TRAPPC12: variants seen among roughly 807,000 people sequenced by gnomAD.
TRAPPC12 encodes TPR repeat protein 15.
TRAPPC12 carries 61 observed loss-of-function variants against 69.2 expected under a neutral mutation model. The observed-to-expected ratio is 0.88, with a 90% CI of 0.72 to 1.09. The LOEUF is 1.09. TRAPPC12 is among the 50% of genes least tolerant of loss of function. TRAPPC12 has a pLI of 0.00. For synonymous variants in TRAPPC12, 469 were observed against 438.9 expected (o/e 1.07, Z -0.86); for missense variants, 1,101 against 1,016.4 (o/e 1.08, Z -1.13).
intron 7 of TRAPPC12, 47 bp from the exon 8 acceptor site, chr2:3,460,216 G>A (rs1283035875): frequency 1.1e-6 from 1 of 871,612 alleles, no homozygotes; most frequent in Non-Finnish European, 2.0e-6. Context: ...GGGCTAGAAA[G>A]AGCCTCGAAT....
chr2:3,399,366 T>C (rs1444626273), intron 2 of TRAPPC12, among the ~76,000 whole-genome samples: 1 of 152,196 alleles, frequency 6.6e-6, no homozygotes, highest in East Asian at 1.9e-4. Context: ...TGCAGAGCTT[T>C]ATGGGGCCCT....
intron 4 of TRAPPC12, among the ~76,000 whole-genome samples, chr2:3,422,251 C>T (rs1471333571): frequency 6.6e-6 from 1 of 152,100 alleles, no homozygotes; most frequent in Non-Finnish European, 1.5e-5. Context: ...GGCTTTGGGT[C>T]AGCAGGTGGG....
At chr2:3,398,739 T>C (rs1205076958) in intron 2 of TRAPPC12, among the ~76,000 whole-genome samples, 3 of 152,242 alleles carry the variant, frequency 2.0e-5, no homozygotes, top group African/African-American at 4.8e-5. Context: ...AACAGCCACT[T>C]GCTCCTCCAT....
intron 2 of TRAPPC12, among the ~76,000 whole-genome samples, chr2:3,396,528 C>T (rs374826169): frequency 7.9e-5 from 12 of 152,194 alleles, no homozygotes; most frequent in African/African-American, 2.9e-4. Flanking sequence ...ATTATTTCTT[C>T]AGGTATTTTC....
At chr2:3,389,517 A>G (rs4476382) in intron 2 of TRAPPC12, among the ~76,000 whole-genome samples, 95,372 of 151,752 alleles carry the variant, frequency 0.63, 30,325 homozygotes, top group African/African-American at 0.73. Flanking sequence ...GAAGAGCAAC[A>G]ACCGCGACCC....
At chr2:3,390,324 T>C (rs1016703416) in intron 2 of TRAPPC12, among the ~76,000 whole-genome samples, 20 of 152,184 alleles carry the variant, frequency 1.3e-4, no homozygotes, top group Admixed American at 1.0e-3. Flanking sequence ...TACAAACATA[T>C]TTAAGTAAAT....
chr2:3,453,161 A>G (rs540881583), intron 6 of TRAPPC12, among the ~76,000 whole-genome samples: 1 of 152,150 alleles, frequency 6.6e-6, no homozygotes, highest in Non-Finnish European at 1.5e-5. Context: ...CCACAGGTTT[A>G]TTTTTGTGAA....
intron 9 of TRAPPC12, among the ~76,000 whole-genome samples, chr2:3,473,237 A>G (rs773209533): frequency 1.3e-5 from 2 of 152,182 alleles, no homozygotes; most frequent in African/African-American, 4.8e-5. Context: ...TGCTGTGCTC[A>G]CGCCGGGACG....
chr2:3,449,591 A>G (rs1249613001), intron 6 of TRAPPC12: 1 of 152,228 alleles, frequency 6.6e-6, no homozygotes, highest in Non-Finnish European at 1.5e-5. Context: ...GTTTGTAGGA[A>G]GAGTTAATAT....
chr2:3,462,578 A>G (rs911208269), intron 8 of TRAPPC12, among the ~76,000 whole-genome samples: 1 of 152,280 alleles, frequency 6.6e-6, no homozygotes, highest in African/African-American at 2.4e-5. Flanking sequence ...TGAAATAAAT[A>G]CCAATTTAAC....
At position 3,386,844 on chromosome 2, in the gene TRAPPC12, A is replaced by T. The variant is rs955687300; in HGVS notation, c.-4-776A>T. Among the ~76,000 whole-genome samples, 5 of 152,142 alleles carry T rather than the reference A, an allele frequency of 3.3e-5. 1 individual carries two copies. Among genetic ancestry groups the T allele is most frequent in the African/African-American group, 1.2e-4 (5 of 41,418 alleles). ...AGTGTTTATATGGCTGGAACCTCAC[A>T]CCTACTGGAATGGCTACTATGAAAT... On this transcript the variant is annotated intron_variant, in intron 1 of 11. Transcript: ENST00000324266.
chr2:3,473,460 G>A (rs928963633), intron 9 of TRAPPC12, among the ~76,000 whole-genome samples: 7 of 152,174 alleles, frequency 4.6e-5, no homozygotes, highest in African/African-American at 1.4e-4. Context: ...GTTGGTTTTT[G>A]GGTAGGGTTT....
chr2:3,477,469 G>A (rs190465092), intron 9 of TRAPPC12, among the ~76,000 whole-genome samples: 68 of 152,224 alleles, frequency 4.5e-4, no homozygotes, highest in African/African-American at 1.4e-3. Context: ...TAAATAAGGC[G>A]TGTATATTAG....
At chr2:3,448,093 A>T (rs7562179) in intron 6 of TRAPPC12, among the ~76,000 whole-genome samples, 4,573 of 152,270 alleles carry the variant, frequency 0.03, 233 homozygotes, top group African/African-American at 0.1. Flanking sequence ...TGCTGAATGC[A>T]TTATGTTGAT....
At chr2:3,440,563 T>C (rs1332184812) in intron 5 of TRAPPC12, among the ~76,000 whole-genome samples, 1 of 152,202 alleles carries the variant, frequency 6.6e-6, no homozygotes, top group Non-Finnish European at 1.5e-5. Context: ...CTTCCTAGTT[T>C]AGAAGTGTTT....
chr2:3,416,506 A>C (rs1572125202), intron 3 of TRAPPC12, among the ~76,000 whole-genome samples: 3 of 39,220 alleles, frequency 7.6e-5, no homozygotes, highest in Admixed American at 6.9e-4. Flanking sequence ...CTACCCCTTC[A>C]CTGTGCCCTC....
chr2:3,445,334 G>A (rs759362742), intron 6 of TRAPPC12, among the ~76,000 whole-genome samples: 2 of 152,104 alleles, frequency 1.3e-5, no homozygotes, highest in East Asian at 1.9e-4. Context: ...GCAGTAAGCC[G>A]AGATCAAGCC....
At chr2:3,477,108 C>T (rs1666325206) in intron 9 of TRAPPC12, among the ~76,000 whole-genome samples, 1 of 152,200 alleles carries the variant, frequency 6.6e-6, no homozygotes, top group South Asian at 2.1e-4. Flanking sequence ...CAGCCTTCCA[C>T]CCCCCAGGCC....
intron 6 of TRAPPC12, among the ~76,000 whole-genome samples, chr2:3,445,977 C>T (rs1435447851): frequency 6.6e-6 from 1 of 152,208 alleles, no homozygotes; most frequent in African/African-American, 2.4e-5. Flanking sequence ...AGGGGGCTTC[C>T]AAGCAACAGC....
Sources: allele counts gnomAD v4.1 joint callset (sites outside exome capture counted in the v4.1 genomes callset), GRCh38; gene constraint gnomAD v4.1.1; transcripts MANE v1.5; gene names NCBI Gene and HGNC (gene_info 2026-07-23, HGNC 2026-07-21).